Variants in SLC35F3 observed in about 807,000 individuals in gnomAD.
The protein encoded by SLC35F3 is solute carrier family 35 member F3.
Under a neutral mutation model 49.9 loss-of-function variants are expected in SLC35F3, and 25 were observed. The observed-to-expected ratio is 0.50, with a 90% CI of 0.37 to 0.70. The LOEUF is 0.70. SLC35F3 is among the 30% of genes least tolerant of loss of function. The pLI is 0.00. For missense variants in SLC35F3, 525 were observed against 639.8 expected (o/e 0.82, Z 1.94); for synonymous variants, 275 against 265.4 (o/e 1.04, Z -0.35).
At chr1:234,271,205 C>T (rs939020620) in intron 3 of SLC35F3, among the ~76,000 whole-genome samples, 3 of 152,168 alleles carry the variant, frequency 2.0e-5, no homozygotes, top group African/African-American at 4.8e-5. Context: ...CGAGTCCATT[C>T]GGTTGCCCCA....
At chr1:234,270,261 C>G (rs184009801) in intron 3 of SLC35F3, among the ~76,000 whole-genome samples, 52 of 152,264 alleles carry the variant, frequency 3.4e-4, no homozygotes, top group Admixed American at 1.4e-3. Context: ...CAATTCCTCC[C>G]ACACCAAGAA....
chr1:233,948,901 A>C (rs1220585052), intron 2 of SLC35F3, among the ~76,000 whole-genome samples: 1 of 152,144 alleles, frequency 6.6e-6, no homozygotes, highest in South Asian at 2.1e-4. Flanking sequence ...AGCCTGGCAC[A>C]AGCATTTTCT....
At chr1:234,192,752 A>C (rs1572088991) in intron 2 of SLC35F3, among the ~76,000 whole-genome samples, 1 of 152,212 alleles carries the variant, frequency 6.6e-6, no homozygotes, top group Admixed American at 6.5e-5. Context: ...AAATTTCAGG[A>C]TACAAAATTA....
At chr1:234,229,985 G>A (rs986895573) in intron 2 of SLC35F3, among the ~76,000 whole-genome samples, 1 of 152,176 alleles carries the variant, frequency 6.6e-6, no homozygotes, top group Non-Finnish European at 1.5e-5. Context: ...AGGAACAGAC[G>A]GCTTGTCAGA....
Position 234,197,925 on chromosome 1 carries a change from T to C in SLC35F3, c.284-33492T>C, listed in dbSNP as rs562826148. Among the ~76,000 whole-genome samples the C allele has an allele frequency of 8.5e-5, 13 of 152,370 alleles. No individual in the cohort carries two copies. In the South Asian group the frequency reaches 1.0e-3, roughly 12 times the overall value. ...TGAACAACACCTACATTTTTTATTCTTGACAAGATCAAATAGGTTTATTCC... is the reference window on the plus strand; with the variant it reads ...TGAACAACACCTACATTTTTTATTCCTGACAAGATCAAATAGGTTTATTCC... On this transcript the variant is annotated intron_variant, in intron 2 of 7. Coordinates refer to ENST00000366618, the MANE Select transcript of SLC35F3 (RefSeq NM_173508.4).
chr1:234,032,408 G>A (rs1297133310), intron 2 of SLC35F3, among the ~76,000 whole-genome samples: 1 of 151,904 alleles, frequency 6.6e-6, no homozygotes, highest in Non-Finnish European at 1.5e-5. Context: ...AGCAGGTGGT[G>A]TTTGGTAACA....
At chr1:234,088,009 AT>A (rs1437407329) in intron 2 of SLC35F3, among the ~76,000 whole-genome samples, 2 of 152,186 alleles carry the variant, frequency 1.3e-5, no homozygotes, top group Admixed American at 6.5e-5. Flanking sequence ...ATTCTGATAT[AT>A]TCTTCTATAT....
chr1:234,251,534 A>G lies in SLC35F3; in HGVS notation c.608+19793A>G, dbSNP rs1667738973. 1.3e-5 allele frequency among the ~76,000 whole-genome samples: 2 copies of G among 152,056 alleles called. 1 individual carries two copies. The highest frequency in any genetic ancestry group is 2.9e-5 in the Non-Finnish European group (2 of 67,996). On this transcript the variant is annotated intron_variant, in intron 3 of 7. Transcript: ENST00000366618. Reference sequence around the variant, plus strand: ...TAGTAAATGTAATAAAAATTTATAGAACTGCATAAAGAAAGCTTTAAAACT... The same window carrying G: ...TAGTAAATGTAATAAAAATTTATAGGACTGCATAAAGAAAGCTTTAAAACT...
Position 234,231,840 on chromosome 1 carries a change from C to T in SLC35F3, c.608+99C>T, listed in dbSNP as rs1004568080. ...CCTGGTGGCAGGCGCTGGGATGAGC[C>T]GGTGGGAGCCCGTGGAGAGATGTTG... On this transcript the variant is annotated intron_variant, in intron 3 of 7. Transcript: ENST00000366618. This position sits in a 1 kb window ranked among gnomAD's most constrained non-coding sequence, Gnocchi z 5.4. 2.9e-5 allele frequency: 34 copies of T among 1,168,574 alleles called. No individual in the cohort carries two copies. Among genetic ancestry groups the T allele is most frequent in the South Asian group, 2.1e-4 (14 of 68,184 alleles). 72.4% of individuals were successfully genotyped at this position (1,168,574 alleles called of 1,614,324 possible). A position where few individuals can be genotyped will look rare whatever the true frequency, so the allele number is the denominator to read the frequency against.
At chr1:234,237,124 G>A (rs145487663) in intron 3 of SLC35F3, among the ~76,000 whole-genome samples, 26 of 151,646 alleles carry the variant, frequency 1.7e-4, no homozygotes, top group East Asian at 1.4e-3. Context: ...CTCCAGGCAA[G>A]TGGAGCCTCC....
chr1:234,091,283 T>G (rs1391459915), intron 2 of SLC35F3, among the ~76,000 whole-genome samples: 1 of 152,166 alleles, frequency 6.6e-6, no homozygotes, highest in Non-Finnish European at 1.5e-5. Flanking sequence ...AGGCTTTTGT[T>G]CTCCAGCCCT....
At chr1:234,235,366 G>T (rs562848714) in intron 3 of SLC35F3, among the ~76,000 whole-genome samples, 1 of 152,234 alleles carries the variant, frequency 6.6e-6, no homozygotes, top group Admixed American at 6.5e-5. Context: ...GTCATGAGAC[G>T]CTTGAGGGTG....
At chr1:234,217,321 C>A (rs545067314) in intron 2 of SLC35F3, among the ~76,000 whole-genome samples, 3 of 152,220 alleles carry the variant, frequency 2.0e-5, no homozygotes, top group Non-Finnish European at 4.4e-5. Context: ...TTCATCCAAC[C>A]CTACTCTGTG....
chr1:233,951,239 G>A (rs1196703517), intron 2 of SLC35F3, among the ~76,000 whole-genome samples: 1 of 151,964 alleles, frequency 6.6e-6, no homozygotes, highest in African/African-American at 2.4e-5. Flanking sequence ...TACTGAAGCT[G>A]AAACGTTTCT....
chr1:234,238,274 A>G (rs1032727250), intron 3 of SLC35F3, among the ~76,000 whole-genome samples: 2 of 152,232 alleles, frequency 1.3e-5, no homozygotes, highest in Admixed American at 6.5e-5. Flanking sequence ...ACACACACAC[A>G]TAGCCAGCTG....
chr1:234,251,812 T>TTA (rs1336463403), intron 3 of SLC35F3, among the ~76,000 whole-genome samples: 3 of 152,104 alleles, frequency 2.0e-5, no homozygotes, highest in African/African-American at 7.2e-5. Flanking sequence ...AGAAAGAACT[T>TTA]TAGTACATAA....
chr1:234,267,082 T>C (rs1251985202), intron 3 of SLC35F3, among the ~76,000 whole-genome samples: 1 of 142,788 alleles, frequency 7.0e-6, no homozygotes, highest in Non-Finnish European at 1.5e-5. Context: ...TGATGACTCT[T>C]AAGGAGCATG....
At position 233,904,911 on chromosome 1, in the gene SLC35F3, T is replaced by C; in HGVS notation, c.-167T>C. 1 of 635,976 alleles carries C rather than the reference T, an allele frequency of 1.6e-6. No individual in the cohort carries two copies. The highest frequency in any genetic ancestry group is 2.5e-6 in the Non-Finnish European group (1 of 403,690). 39.4% of individuals were successfully genotyped at this position (635,976 alleles called of 1,614,324 possible). On this transcript the variant is annotated 5_prime_UTR_variant, in exon 1 of 8. Coordinates refer to ENST00000366618, the MANE Select transcript of SLC35F3 (RefSeq NM_173508.4). ...GCCGCACGCCGCGGAGGCGCTCGGGTACAGACCGCGCGGGCGCGCACAAAG... is the reference window on the plus strand; with the variant it reads ...GCCGCACGCCGCGGAGGCGCTCGGGCACAGACCGCGCGGGCGCGCACAAAG...
intron 2 of SLC35F3, among the ~76,000 whole-genome samples, chr1:234,058,180 G>C (rs1664482773): frequency 6.6e-6 from 1 of 150,444 alleles, no homozygotes; most frequent in Non-Finnish European, 1.5e-5. Flanking sequence ...ATTTTTTTTG[G>C]TTTGCTTTGG....
Sources: allele counts gnomAD v4.1 joint callset (sites outside exome capture counted in the v4.1 genomes callset), GRCh38; gene constraint gnomAD v4.1.1; non-coding constraint Gnocchi (gnomAD v3.1); transcripts MANE v1.5; gene names NCBI Gene and HGNC (gene_info 2026-07-23, HGNC 2026-07-21).